Variants in MMS22L observed in about 807,000 individuals in gnomAD.
MMS22L encodes the protein MMS22 like, DNA repair protein, also known as protein MMS22-like.
In MMS22L, 74 loss-of-function variants were observed where a neutral mutation model predicts 159.1. The observed-to-expected ratio is 0.47, with a 90% CI of 0.39 to 0.56. MMS22L has a LOEUF of 0.56. MMS22L is among the 20% of genes least tolerant of loss of function. The pLI is 0.00. For missense variants in MMS22L, 1,351 were observed against 1,422.1 expected, an observed-to-expected ratio of 0.95 and a Z score of 0.80; for synonymous variants, 517 against 506.9, an observed-to-expected ratio of 1.02 and a Z score of -0.27.
intron 23 of MMS22L, chr6:97,151,495 C>A: frequency 2.8e-6 from 1 of 350,894 alleles, no homozygotes; most frequent in Non-Finnish European, 5.4e-6. Context: ...CAGAACTTAT[C>A]CCTATCGTTA....
At chr6:97,236,795 C>G (rs889460920) in intron 11 of MMS22L, among the ~76,000 whole-genome samples, 1 of 151,876 alleles carries the variant, frequency 6.6e-6, no homozygotes, top group Non-Finnish European at 1.5e-5. Context: ...ACTAAAAATA[C>G]AAAAATTTAG....
At chr6:97,183,289 G>C (rs1347805440) in intron 15 of MMS22L, among the ~76,000 whole-genome samples, 1 of 151,964 alleles carries the variant, frequency 6.6e-6, no homozygotes, top group Non-Finnish European at 1.5e-5. Context: ...TGATTGCATG[G>C]TCCATTATTA....
At chr6:97,149,050 G>A (rs1364841696) in intron 24 of MMS22L, among the ~76,000 whole-genome samples, 1 of 152,168 alleles carries the variant, frequency 6.6e-6, no homozygotes. Flanking sequence ...ATACAAGTTT[G>A]TAGCCTAGGA....
chr6:97,180,022 C>T (rs921222950), intron 16 of MMS22L, among the ~76,000 whole-genome samples: 1 of 152,018 alleles, frequency 6.6e-6, no homozygotes, highest in African/African-American at 2.4e-5. Flanking sequence ...AATTACCTCA[C>T]AAAGAATTCC....
chr6:97,189,204 G>C (rs1465955864), intron 14 of MMS22L, among the ~76,000 whole-genome samples: 1 of 151,108 alleles, frequency 6.6e-6, no homozygotes, highest in Non-Finnish European at 1.5e-5. Flanking sequence ...TGAGGTACCA[G>C]GGAGTATAAG....
chr6:97,273,061 C>T lies in MMS22L; in HGVS notation c.342G>A (p.Gly114=). The T allele has an allele frequency of 6.2e-7, 1 of 1,600,768 alleles. No homozygotes were observed. Among genetic ancestry groups the T allele is most frequent in the Non-Finnish European group, 8.5e-7 (1 of 1,176,156 alleles). The change falls in exon 5 of 25, where the codon GGG becomes GGA. Residue 114 remains glycine (G), a splice_region_variant and synonymous_variant. Transcript: ENST00000683635. ...ETLLQSSCDF[G]KVSTLHCKAD... ...CTTTGCAGTGTAGAGTTGATACCTT[C>T]CCTGAAACCAAAATAGACAATGTTA...
chr6:97,281,401 T>C, intron 2 of MMS22L, 39 bp from the exon 3 acceptor site: 1 of 1,503,128 alleles, frequency 6.7e-7, no homozygotes. Context: ...AAAAGTATAC[T>C]AAGTACCATA....
chr6:97,154,982 A>G (rs1801681392), intron 22 of MMS22L, among the ~76,000 whole-genome samples: 1 of 152,168 alleles, frequency 6.6e-6, no homozygotes, highest in Non-Finnish European at 1.5e-5. Flanking sequence ...ATATGGAGCT[A>G]TTAGTATAGT....
intron 14 of MMS22L, among the ~76,000 whole-genome samples, chr6:97,209,087 G>C (rs1808099384): frequency 6.6e-6 from 1 of 151,622 alleles, no homozygotes; most frequent in Non-Finnish European, 1.5e-5. Flanking sequence ...CAGTTCAAAG[G>C]CCATCTATTT....
intron 10 of MMS22L, among the ~76,000 whole-genome samples, chr6:97,247,958 T>A (rs1019915480): frequency 3.9e-5 from 6 of 152,164 alleles, no homozygotes; most frequent in African/African-American, 1.4e-4. Flanking sequence ...AATATTTTCT[T>A]AATAAAGAGC....
intron 11 of MMS22L, among the ~76,000 whole-genome samples, chr6:97,243,774 C>T (rs1355882376): frequency 1.3e-5 from 2 of 152,028 alleles, no homozygotes; most frequent in African/African-American, 4.8e-5. Flanking sequence ...AGGGTGATCC[C>T]TTGATGTGGT....
rs1209431095 is a variant in MMS22L at position 97,215,114 on chromosome 6, A to ATAT, written c.2039+13779_2039+13780insATA. ...TAAATATATATATATATATATATAT[A>ATAT]TTTTTTTTTTGCATTGTTTCACTAG... On this transcript the variant is annotated intron_variant, in intron 14 of 24. Coordinates refer to ENST00000683635, the MANE Select transcript of MMS22L (RefSeq NM_001350599.2). Among the ~76,000 whole-genome samples the ATAT allele has an allele frequency of 4.0e-3, 353 of 87,208 alleles. 1 individual carries two copies. The highest frequency in any genetic ancestry group is 0.01 in the African/African-American group (297 of 28,302). 57.2% of individuals were successfully genotyped at this position (87,208 alleles called of 152,430 possible).
chr6:97,235,869 AAAG>A (rs1003910229), intron 11 of MMS22L, among the ~76,000 whole-genome samples: 9 of 152,222 alleles, frequency 5.9e-5, no homozygotes, highest in Admixed American at 2.6e-4. Context: ...TTCTAACATA[AAAG>A]AAGAATAGTC....
At chr6:97,151,728 G>T in intron 23 of MMS22L, 43 bp downstream of exon 23, 1 of 1,462,228 alleles carries the variant, frequency 6.8e-7, no homozygotes, top group Non-Finnish European at 9.6e-7. Flanking sequence ...CTGTCAAATG[G>T]CTGGCAATAG....
At chr6:97,236,051 G>A (rs1301393305) in intron 11 of MMS22L, among the ~76,000 whole-genome samples, 6 of 152,154 alleles carry the variant, frequency 3.9e-5, no homozygotes, top group Non-Finnish European at 8.8e-5. Flanking sequence ...TTCCGGGCCA[G>A]GCACGGTGGT....
chr6:97,261,943 AC>A (rs1814524426), intron 9 of MMS22L: 1 of 152,170 alleles, frequency 6.6e-6, no homozygotes, highest in Admixed American at 6.6e-5. Flanking sequence ...AATCTAGGTA[AC>A]ATGAACTCAG....
At chr6:97,238,340 T>C (rs538864377) in intron 11 of MMS22L, among the ~76,000 whole-genome samples, 29 of 152,326 alleles carry the variant, frequency 1.9e-4, no homozygotes, top group African/African-American at 5.8e-4. Flanking sequence ...AACAGGGTCA[T>C]AGTATTGTTC....
chr6:97,186,450 AAG>A (rs769558522), intron 15 of MMS22L, 45 bp downstream of exon 15: 4 of 1,530,842 alleles, frequency 2.6e-6, no homozygotes, highest in Non-Finnish European at 3.6e-6. Context: ...AATACTGACA[AAG>A]AGTCTGCAAA....
intron 14 of MMS22L, among the ~76,000 whole-genome samples, chr6:97,198,951 C>T (rs1806839681): frequency 6.6e-6 from 1 of 151,712 alleles, no homozygotes; most frequent in African/African-American, 2.4e-5. Flanking sequence ...TTTAGTTTTC[C>T]CTAGATGTAA....
Sources: gnomAD v4.1 joint callset for allele counts (sites outside exome capture counted in the v4.1 genomes callset) on GRCh38, gnomAD v4.1.1 for gene constraint, MANE v1.5 for transcripts, NCBI Gene and HGNC (gene_info 2026-07-23, HGNC 2026-07-21) for gene names.